Variants in MALRD1 observed in about 807,000 individuals in gnomAD.
The protein encoded by MALRD1 is MAM and LDL-receptor class A domain-containing protein 1.
Under a neutral mutation model 242.1 loss-of-function variants are expected in MALRD1, and 247 were observed. The observed-to-expected ratio is 1.02, with a 90% CI of 0.92 to 1.13. MALRD1 has a LOEUF of 1.13. Among genes scored for constraint, MALRD1 ranks in the 50% most tolerant of loss-of-function variants. MALRD1 has a pLI of 0.00. For missense variants in MALRD1, 2,989 were observed against 2,533.1 expected (o/e 1.18, Z -3.86); for synonymous variants, 995 against 866.6 (o/e 1.15, Z -2.60).
chr10:19,296,112 C>T (rs569875295), intron 21 of MALRD1, among the ~76,000 whole-genome samples: 33 of 152,140 alleles, frequency 2.2e-4, no homozygotes, highest in African/African-American at 7.0e-4. Context: ...AAGGGTGGGC[C>T]GCCAACTCTT....
intron 36 of MALRD1, among the ~76,000 whole-genome samples, chr10:19,621,772 G>T (rs1839413236): frequency 6.6e-6 from 1 of 151,648 alleles, no homozygotes. Flanking sequence ...AAACTCTAAT[G>T]TATATCGTGG....
At chr10:19,354,861 C>A (rs1844553496) in intron 26 of MALRD1, among the ~76,000 whole-genome samples, 1 of 151,844 alleles carries the variant, frequency 6.6e-6, no homozygotes, top group African/African-American at 2.4e-5. Context: ...TTACATGCCC[C>A]CTATAAGTAT....
intron 35 of MALRD1, among the ~76,000 whole-genome samples, chr10:19,609,628 G>A (rs760325388): frequency 2.6e-5 from 4 of 151,978 alleles, no homozygotes; most frequent in Non-Finnish European, 2.9e-5. Context: ...TTAATCTCCG[G>A]CACTGTATAG....
At chr10:19,157,589 G>C (rs554061129) in intron 12 of MALRD1, among the ~76,000 whole-genome samples, 1 of 152,170 alleles carries the variant, frequency 6.6e-6, no homozygotes, top group South Asian at 2.1e-4. Context: ...CAAACAGAAC[G>C]AATTCTTACC....
chr10:19,278,851 G>T (rs917543785), intron 19 of MALRD1, among the ~76,000 whole-genome samples: 1 of 152,066 alleles, frequency 6.6e-6, no homozygotes, highest in African/African-American at 2.4e-5. Context: ...GATATAATAA[G>T]CAAATTAACA....
At chr10:19,308,058 T>G (rs1006354108) in intron 21 of MALRD1, among the ~76,000 whole-genome samples, 1 of 151,628 alleles carries the variant, frequency 6.6e-6, no homozygotes, top group Non-Finnish European at 1.5e-5. Context: ...TTAGTTATTT[T>G]AAAATGTACA....
chr10:19,183,053 A>T (rs1348783664), intron 14 of MALRD1, among the ~76,000 whole-genome samples: 2 of 151,866 alleles, frequency 1.3e-5, no homozygotes, highest in East Asian at 1.9e-4. Context: ...ACCCACCCTC[A>T]TAGGGAATTG....
chr10:19,303,042 A>C (rs183165769), intron 21 of MALRD1, among the ~76,000 whole-genome samples: 96 of 151,790 alleles, frequency 6.3e-4, no homozygotes, highest in African/African-American at 2.2e-3. Context: ...GTAACAAAAG[A>C]TTAAATATGT....
rs555802098 is a variant in MALRD1, at chr10:19,096,780, C to T, written c.598-7199C>T. 2.5e-4 allele frequency among the ~76,000 whole-genome samples: 38 copies of T among 152,296 alleles called. No homozygotes were observed. The South Asian group carries it at 6.8e-3, about 27-fold the overall frequency. On this transcript the variant is annotated intron_variant, in intron 4 of 39. Transcript: ENST00000454679. ...TCCTTTCCATGCTGGCTTCTAATAGCTTAAAAGCCATGCATCCTTCCTTTA... is the reference window on the plus strand; with the variant it reads ...TCCTTTCCATGCTGGCTTCTAATAGTTTAAAAGCCATGCATCCTTCCTTTA...
chr10:19,112,775 A>G (rs146169212), intron 5 of MALRD1, among the ~76,000 whole-genome samples: 1 of 152,310 alleles, frequency 6.6e-6, no homozygotes, highest in Non-Finnish European at 1.5e-5. Flanking sequence ...AGGAGAACAG[A>G]TTTATGAGTG....
intron 32 of MALRD1, among the ~76,000 whole-genome samples, chr10:19,548,413 A>G (rs1026148062): frequency 3.9e-5 from 6 of 151,964 alleles, no homozygotes; most frequent in Non-Finnish European, 8.8e-5. Flanking sequence ...ATTTTTGCCT[A>G]TTAAATTAGT....
intron 38 of MALRD1, among the ~76,000 whole-genome samples, chr10:19,712,112 T>C (rs887927522): frequency 6.6e-6 from 1 of 152,162 alleles, no homozygotes; most frequent in Non-Finnish European, 1.5e-5. Flanking sequence ...TATCAATTTC[T>C]ATGTTTAGTC....
chr10:19,324,946 G>A (rs555567531), intron 22 of MALRD1, among the ~76,000 whole-genome samples: 1 of 146,896 alleles, frequency 6.8e-6, no homozygotes, highest in Non-Finnish European at 1.5e-5. Flanking sequence ...ATATTTTAAG[G>A]ATGTGTAAAA....
chr10:19,388,119 G>A (rs1319800425), intron 27 of MALRD1, among the ~76,000 whole-genome samples: 2 of 152,084 alleles, frequency 1.3e-5, no homozygotes, highest in South Asian at 2.1e-4. Flanking sequence ...TGTGTATGGT[G>A]GTTTTCCCTA....
chr10:19,551,100 C>A (rs1835450804), intron 32 of MALRD1, among the ~76,000 whole-genome samples: 1 of 152,026 alleles, frequency 6.6e-6, no homozygotes, highest in Non-Finnish European at 1.5e-5. Flanking sequence ...TTGTTGGCTG[C>A]ATGTAGGTCT....
chr10:19,355,491 C>A (rs1219797650), intron 26 of MALRD1, among the ~76,000 whole-genome samples: 7 of 150,630 alleles, frequency 4.6e-5, no homozygotes, highest in Admixed American at 2.7e-4. Context: ...GGAATGTCTG[C>A]AGTAGAAAGA....
At chr10:19,082,297 A>G (rs1204652283) in intron 2 of MALRD1, among the ~76,000 whole-genome samples, 1 of 151,836 alleles carries the variant, frequency 6.6e-6, no homozygotes, top group Non-Finnish European at 1.5e-5. Context: ...TTGATCTTAT[A>G]TAGTTCTGTT....
chr10:19,585,136 G>A (rs147124712), intron 33 of MALRD1, among the ~76,000 whole-genome samples: 2,012 of 152,202 alleles, frequency 0.013, 21 homozygotes, highest in East Asian at 0.036. Flanking sequence ...CGTGAGATGC[G>A]TTTCCTGAAT....
intron 18 of MALRD1, among the ~76,000 whole-genome samples, chr10:19,238,709 A>T (rs957750572): frequency 1.3e-5 from 2 of 149,166 alleles, no homozygotes; most frequent in African/African-American, 2.5e-5. Context: ...TTCATTTCCT[A>T]TGGATATATA....
Sources: gnomAD v4.1 joint callset for allele counts (sites outside exome capture counted in the v4.1 genomes callset) on GRCh38, gnomAD v4.1.1 for gene constraint, MANE v1.5 for transcripts, NCBI Gene and HGNC (gene_info 2026-07-23, HGNC 2026-07-21) for gene names.